The following COG5 variants were observed in gnomAD, a reference collection of about 807,000 sequenced individuals.
The protein encoded by COG5 is component of oligomeric golgi complex 5, also known as conserved oligomeric Golgi complex subunit 5.
Under a neutral mutation model 110.4 loss-of-function variants are expected in COG5, and 86 were observed. The ratio of observed to expected loss-of-function variants is 0.78; its 90% CI spans 0.65 to 0.93. The LOEUF (loss-of-function observed/expected upper bound fraction) is 0.93, where lower values mean the gene tolerates loss of function less well. Among genes scored for constraint, COG5 ranks in the 40% least tolerant of loss-of-function variants. The pLI is 0.00. For synonymous variants in COG5, 360 were observed against 334.6 expected, an observed-to-expected ratio of 1.08 and a Z score of -0.83; for missense variants, 1,077 against 987.0, an observed-to-expected ratio of 1.09 and a Z score of -1.22.
At chr7:107,540,661 G>GA (rs1461821442) in intron 5 of COG5, among the ~76,000 whole-genome samples, 12 of 148,204 alleles carry the variant, frequency 8.1e-5, no homozygotes, top group Non-Finnish European at 1.5e-4. Context: ...GTGTGAACCA[G>GA]AAAAAAGTCC....
At chr7:107,286,786 C>T (rs149468101) in intron 12 of COG5, among the ~76,000 whole-genome samples, 7 of 152,108 alleles carry the variant, frequency 4.6e-5, no homozygotes, top group Non-Finnish European at 7.4e-5. Flanking sequence ...GGTAACCTCA[C>T]TCCTTTTTTT....
intron 21 of COG5, chr7:107,209,092 A>G (rs76743651): frequency 2.0e-6 from 2 of 985,424 alleles, no homozygotes; most frequent in Non-Finnish European, 2.4e-6. Flanking sequence ...GAACCACCTC[A>G]TCATGTCAGC....
chr7:107,494,631 T>C (rs1259954332), intron 6 of COG5, among the ~76,000 whole-genome samples: 1 of 152,190 alleles, frequency 6.6e-6, no homozygotes, highest in Non-Finnish European at 1.5e-5. Context: ...ATACACTCTA[T>C]GATGTTTACA....
At chr7:107,230,501 A>G (rs1800699131) in intron 19 of COG5, 114 bp downstream of exon 19, 2 of 798,028 alleles carry the variant, frequency 2.5e-6, no homozygotes, top group Non-Finnish European at 4.5e-6. Context: ...TGAAATTGCC[A>G]TTGTTGTAGA....
intron 6 of COG5, among the ~76,000 whole-genome samples, chr7:107,518,142 A>G (rs1800070528): frequency 6.6e-6 from 1 of 152,204 alleles, no homozygotes; most frequent in South Asian, 2.1e-4. Flanking sequence ...CTGCTTTGCA[A>G]GAGCTACTGA....
In COG5 at chr7:107,563,903, A is replaced by G. The variant is rs537769365; in HGVS notation, c.-7T>C. On this transcript the variant is annotated 5_prime_UTR_variant, in exon 1 of 22. Transcript: ENST00000297135. ...TGCCGCCGCCACCTTCCATGTTGGC[A>G]GGTGCCGGGTTGATGTCGTCAGCAG... The G allele has an allele frequency of 6.2e-7, 1 of 1,613,662 alleles. No individual in the cohort carries two copies. The highest frequency in any genetic ancestry group is 8.5e-7 in the Non-Finnish European group (1 of 1,179,942).
rs528923623 is a variant in COG5 at position 107,241,515 on chromosome 7, C to T, written c.1854-4828G>A. Among the ~76,000 whole-genome samples, 4 of 151,002 alleles carry T rather than the reference C, an allele frequency of 2.6e-5. No individual in the cohort carries two copies. In the South Asian group the frequency reaches 6.3e-4, roughly 24 times the overall value. Reference sequence around the variant, plus strand: ...TCGCCCAGGCTGGAGTGCAGTGGCGCGATCTGGGCTCACTGCAAGCTCCGC... The same window carrying T: ...TCGCCCAGGCTGGAGTGCAGTGGCGTGATCTGGGCTCACTGCAAGCTCCGC... On this transcript the variant is annotated intron_variant, in intron 17 of 21. Coordinates refer to ENST00000297135, the MANE Select transcript of COG5 (RefSeq NM_006348.5).
At chr7:107,251,620 A>C (rs1025009458) in intron 16 of COG5, among the ~76,000 whole-genome samples, 4 of 152,174 alleles carry the variant, frequency 2.6e-5, no homozygotes, top group Admixed American at 6.5e-5. Context: ...TAAATAATCC[A>C]TGACTCAGAT....
chr7:107,434,369 T>C (rs985541870), intron 6 of COG5, among the ~76,000 whole-genome samples: 9 of 152,182 alleles, frequency 5.9e-5, no homozygotes, highest in Non-Finnish European at 1.3e-4. Flanking sequence ...TATCTGCATA[T>C]CCATGTTCAC....
chr7:107,324,857 G>C (rs1312104481), intron 10 of COG5, among the ~76,000 whole-genome samples: 1 of 152,112 alleles, frequency 6.6e-6, no homozygotes, highest in African/African-American at 2.4e-5. Flanking sequence ...ATTAATAAAA[G>C]TCTTGGGACA....
chr7:107,203,811 G>A (rs911005744), intron 21 of COG5, among the ~76,000 whole-genome samples, 181 bp from the exon 22 acceptor site: 7 of 152,108 alleles, frequency 4.6e-5, no homozygotes, highest in Admixed American at 2.0e-4. Flanking sequence ...TGGTTACTAC[G>A]GTTACTACGT....
intron 6 of COG5, among the ~76,000 whole-genome samples, chr7:107,424,505 C>CTTT (rs11376252): frequency 2.2e-5 from 3 of 136,104 alleles, no homozygotes; most frequent in Non-Finnish European, 4.8e-5. Flanking sequence ...CTCAACAAAA[C>CTTT]TTTTTTTTTT....
At position 107,509,566 on chromosome 7, in the gene COG5, C is replaced by T. The variant is rs540687726; in HGVS notation, c.538+17671G>A. ...CAGAGAACGCCACAAAGATGCTCCT[C>T]GAGAAGAGCAACTCCAACACACGTA... On this transcript the variant is annotated intron_variant, in intron 6 of 21. Coordinates refer to ENST00000297135, the MANE Select transcript of COG5 (RefSeq NM_006348.5). 3.4e-3 allele frequency among the ~76,000 whole-genome samples: 511 copies of T among 152,176 alleles called. 3 individuals are homozygous for T. The highest frequency in any genetic ancestry group is 0.011 in the African/African-American group (469 of 41,498).
intron 1 of COG5, among the ~76,000 whole-genome samples, chr7:107,559,626 C>T (rs1044768390): frequency 1.8e-4 from 27 of 152,240 alleles, no homozygotes; most frequent in African/African-American, 6.5e-4. Context: ...AAAGTAAAGG[C>T]TCATACTCTT....
At chr7:107,420,408 T>A (rs1328613272) in intron 6 of COG5, among the ~76,000 whole-genome samples, 1 of 152,206 alleles carries the variant, frequency 6.6e-6, no homozygotes, top group Non-Finnish European at 1.5e-5. Context: ...CGGAAGAACA[T>A]GTAGAGATAA....
chr7:107,265,434 T>C (rs988644022), intron 14 of COG5, among the ~76,000 whole-genome samples: 12 of 152,236 alleles, frequency 7.9e-5, no homozygotes, highest in Middle Eastern at 3.4e-3. Flanking sequence ...TATACCACCA[T>C]GGCCAGCTAA....
intron 10 of COG5, among the ~76,000 whole-genome samples, chr7:107,361,600 C>T (rs986512711): frequency 1.3e-5 from 2 of 152,232 alleles, no homozygotes; most frequent in Non-Finnish European, 1.5e-5. Context: ...TTCACTCTGT[C>T]GCCGAGGCTG....
At chr7:107,530,709 A>T (rs755027846) in intron 5 of COG5, among the ~76,000 whole-genome samples, 33 of 152,030 alleles carry the variant, frequency 2.2e-4, no homozygotes, top group Non-Finnish European at 3.4e-4. Flanking sequence ...TTCTGGGAAT[A>T]CCATTTAATA....
chr7:107,511,237 C>A lies in COG5; in HGVS notation c.538+16000G>T, dbSNP rs1799483048. 2.0e-5 allele frequency among the ~76,000 whole-genome samples: 3 copies of A among 152,140 alleles called. No homozygotes were observed. The South Asian group carries it at 6.2e-4, about 32-fold the overall frequency. ...TATCACCACCGATCCCACAGAAATA[C>A]AAACTACCATCACAGAATACTACAA... On this transcript the variant is annotated intron_variant, in intron 6 of 21. Transcript: ENST00000297135.
Sources: gnomAD v4.1 joint callset for allele counts (sites outside exome capture counted in the v4.1 genomes callset) on GRCh38, gnomAD v4.1.1 for gene constraint, MANE v1.5 for transcripts, NCBI Gene and HGNC (gene_info 2026-07-23, HGNC 2026-07-21) for gene names.